Variants in LCN8 observed in about 807,000 individuals in gnomAD.
LCN8 encodes lipocalin 8.
LCN8 carries 16 observed loss-of-function variants against 22.8 expected under a neutral mutation model. That is an observed-to-expected ratio of 0.70 (90% CI 0.47 to 1.06). The LOEUF is 1.06. Ranked by LOEUF, LCN8 falls within the 50% of genes least tolerant of loss-of-function variation. The pLI is 0.00. For missense variants in LCN8, 189 were observed against 203.3 expected, an observed-to-expected ratio of 0.93 and a Z score of 0.43; for synonymous variants, 92 against 83.4, an observed-to-expected ratio of 1.10 and a Z score of -0.56.
intron 2 of LCN8, among the ~76,000 whole-genome samples, 176 bp from the exon 3 acceptor site, chr9:136,756,768 C>T (rs926895392): frequency 6.6e-6 from 1 of 152,212 alleles, no homozygotes; most frequent in African/African-American, 2.4e-5. Flanking sequence ...CCTGGGGATT[C>T]TGTTCCCTCC....
At chr9:136,754,986 A>G (rs2131085562) in intron 6 of LCN8, 149 bp downstream of exon 6, 1 of 1,418,832 alleles carries the variant, frequency 7.0e-7, no homozygotes, top group African/African-American at 1.4e-5. Context: ...GCTGCCCACC[A>G]GTGGTGTTTG....
At position 136,755,508 on chromosome 9, in the gene LCN8, C is replaced by T; in HGVS notation, c.235G>A (p.Glu79Lys). Residue 79 changes from glutamate to lysine, a missense_variant, in exon 4 of 7, where the codon GAG (glutamate) becomes AAG (lysine). Physicochemically the swap from Glu to Lys is moderately conservative, Grantham distance 56. Coordinates refer to ENST00000371688, the MANE Select transcript of LCN8 (RefSeq NM_178469.4). ...TAGTCGGTGTCCAGCACGTGGATCTCTCTGTGGCCTTCAAGAGCCGGCCAT... is the reference window on the plus strand; with the variant it reads ...TAGTCGGTGTCCAGCACGTGGATCTTTCTGTGGCCTTCAAGAGCCGGCCAT... ...TGKFAFPGHR[E>K]IHVLDTDYEG... is the part of the protein sequence containing the mutation. 1 of 1,612,142 alleles carries T rather than the reference C, an allele frequency of 6.2e-7. No individual in the cohort carries two copies. Among genetic ancestry groups the T allele is most frequent in the African/African-American group, 1.3e-5 (1 of 75,036 alleles).
In LCN8 at chr9:136,755,848, A is replaced by G. The variant is rs932119569; in HGVS notation, c.227-332T>C. On this transcript the variant is annotated intron_variant, in intron 3 of 6. Coordinates refer to ENST00000371688, the MANE Select transcript of LCN8 (RefSeq NM_178469.4). ...GAACAGTGCAGGGAATGCATGGGGA[A>G]CGGCACAGAGAAAAGTGCAGGGAAC... 4 of 1,343,266 alleles carry G rather than the reference A, an allele frequency of 3.0e-6. No individual in the cohort carries two copies. In the African/African-American group the frequency reaches 6.0e-5, roughly 20 times the overall value. The allele number at this position is 1,343,266 out of a possible 1,614,324, so 83.2% of individuals were successfully genotyped here.
chr9:136,758,285 C>G, upstream of LCN8: 1 of 1,211,442 alleles, frequency 8.3e-7, no homozygotes, highest in Non-Finnish European at 1.0e-6. Context: ...GGAGCTCCAC[C>G]CACACCACCT....
intron 3 of LCN8, 185 bp from the exon 4 acceptor site, chr9:136,755,701 A>C: frequency 1.7e-6 from 1 of 596,260 alleles, no homozygotes; most frequent in Non-Finnish European, 2.2e-6. Flanking sequence ...GGTCTGGGGC[A>C]TGAAATGTGC....
chr9:136,756,928 C>T, intron 2 of LCN8, 110 bp downstream of exon 2: 1 of 1,292,458 alleles, frequency 7.7e-7, no homozygotes, highest in Non-Finnish European at 1.1e-6. Context: ...GCTGGCCCAC[C>T]AGCGGGACGG....
intron 1 of LCN8, 154 bp from the exon 2 acceptor site, chr9:136,757,322 C>T: frequency 6.9e-7 from 1 of 1,458,144 alleles, no homozygotes; most frequent in Non-Finnish European, 9.0e-7. Flanking sequence ...TCTGTGAGCC[C>T]ACTGTCCCCA....
At chr9:136,754,728 G>A in intron 6 of LCN8, 3 of 1,403,054 alleles carry the variant, frequency 2.1e-6, no homozygotes, top group Non-Finnish European at 1.8e-6. Context: ...TTCTCGCAGT[G>A]CCCAACATGG....
At chr9:136,754,796 G>T in intron 6 of LCN8, 3 of 1,375,536 alleles carry the variant, frequency 2.2e-6, no homozygotes, top group Non-Finnish European at 2.8e-6. Flanking sequence ...ACCTTCGGGG[G>T]CAGAAGCAGC....
rs753507127 is a variant in LCN8, at chr9:136,756,401, G to A, written c.226+121C>T. On this transcript the variant is annotated intron_variant, in intron 3 of 6. Coordinates refer to ENST00000371688, the MANE Select transcript of LCN8 (RefSeq NM_178469.4). ...AGCATGGGGAACAGTGCAGGGAACA[G>A]CACAGAGAACAGTGCAGGGAACAGC... The A allele has an allele frequency of 3.1e-6, 5 of 1,605,072 alleles. No individual in the cohort carries two copies. The South Asian group carries it at 4.4e-5, about 14-fold the overall frequency.
intron 1 of LCN8, chr9:136,757,470 T>A: frequency 7.4e-7 from 1 of 1,354,138 alleles, no homozygotes; most frequent in Non-Finnish European, 9.5e-7. Flanking sequence ...CCACAGGCCC[T>A]GCCTGACCTC....
At position 136,757,434 on chromosome 9, in the gene LCN8, G is replaced by A. The variant is rs1229563698; in HGVS notation, c.25-266C>T. ...ATCTAGAGCTGCGGAACAGTCCCTA[G>A]GGCTTCTGCGACATGTCGGGAGGAA... is the stretch of plus-strand genomic sequence containing the variant. On this transcript the variant is annotated intron_variant, in intron 1 of 6. Coordinates refer to ENST00000371688, the MANE Select transcript of LCN8 (RefSeq NM_178469.4). 4 of 1,379,518 alleles carry A rather than the reference G, an allele frequency of 2.9e-6. No homozygotes were observed. In the African/African-American group the frequency reaches 5.8e-5, roughly 20 times the overall value. The allele number at this position is 1,379,518 out of a possible 1,614,324, so 85.5% of individuals were successfully genotyped here. A position where few individuals can be genotyped will look rare whatever the true frequency, so the allele number is the denominator to read the frequency against.
chr9:136,758,422 C>T (rs1218082551), upstream of LCN8: 1 of 995,770 alleles, frequency 1.0e-6, no homozygotes, highest in Non-Finnish European at 1.2e-6. Context: ...TGCCACCCCA[C>T]GCCTGGCCCT....
Position 136,758,059 on chromosome 9 carries a change from G to T in LCN8, c.-129C>A. 1 of 1,508,144 alleles carries T rather than the reference G, an allele frequency of 6.6e-7. No homozygotes were observed. The highest frequency in any genetic ancestry group is 2.1e-5 in the Admixed American group (1 of 48,154). The allele number at this position is 1,508,144 out of a possible 1,614,324, so 93.4% of individuals were successfully genotyped here. A position where few individuals can be genotyped will look rare whatever the true frequency, so the allele number is the denominator to read the frequency against. On this transcript the variant is annotated 5_prime_UTR_variant, in exon 1 of 7. It adds an upstream start codon to the 5' untranslated region. Coordinates refer to ENST00000371688, the MANE Select transcript of LCN8 (RefSeq NM_178469.4). Reference sequence around the variant, plus strand: ...AGCCTGGGCCGATTCTATACGGACAGTGCAGGCTTGTGCGCCCACCCGGGA... The same window carrying T: ...AGCCTGGGCCGATTCTATACGGACATTGCAGGCTTGTGCGCCCACCCGGGA...
At chr9:136,754,607 C>T (rs1042283431) in intron 6 of LCN8, 98 bp from the exon 7 acceptor site, 19 of 1,493,702 alleles carry the variant, frequency 1.3e-5, no homozygotes, top group Non-Finnish European at 1.5e-5. Flanking sequence ...GTCCTCGCTG[C>T]CTGGTTTTGC....
chr9:136,756,068 G>T lies in LCN8; in HGVS notation c.226+454C>A. ...TGCAGGGAGCAGTGCGGGGAACAGT[G>T]CAGGGAGCATTGCAGGGAACAGCAT... On this transcript the variant is annotated intron_variant, in intron 3 of 6. Coordinates refer to ENST00000371688, the MANE Select transcript of LCN8 (RefSeq NM_178469.4). The T allele has an allele frequency of 3.1e-6, 4 of 1,283,424 alleles. No individual in the cohort carries two copies. The South Asian group carries it at 3.7e-5, about 12-fold the overall frequency. The allele number at this position is 1,283,424 out of a possible 1,614,324, so 79.5% of individuals were successfully genotyped here. A position where few individuals can be genotyped will look rare whatever the true frequency, so the allele number is the denominator to read the frequency against.
chr9:136,757,506 C>T, intron 1 of LCN8: 1 of 1,349,260 alleles, frequency 7.4e-7, no homozygotes, highest in Non-Finnish European at 9.5e-7. Context: ...GAGCAGAGGC[C>T]TGGAAAAGAA....
At chr9:136,756,908 C>T (rs908586672) in intron 2 of LCN8, 130 bp downstream of exon 2, 2 of 1,094,920 alleles carry the variant, frequency 1.8e-6, no homozygotes, top group African/African-American at 3.1e-5. Flanking sequence ...GGCAGACGGG[C>T]ACCGGGAGTG....
In LCN8 at chr9:136,755,295, TCCAGAACCCCAGC is replaced by T; in HGVS notation, c.357_369del (p.Leu120SerfsTer5). On this transcript the variant is annotated frameshift_variant, in exon 5 of 7. Transcript: ENST00000371688. LOFTEE classifies it high-confidence loss of function. ...GTGTCTGCTGTCAGCTCCCGAAACT[TCCAGAACCCCAGC>T]CGGTCCTTGTCCTCAAGGCTCCGAG... 1.2e-6 allele frequency: 2 copies of T among 1,611,168 alleles called. No homozygotes were observed. Among genetic ancestry groups the T allele is most frequent in the Non-Finnish European group, 1.7e-6 (2 of 1,179,984 alleles).
Sources: gnomAD v4.1 joint callset for allele counts (sites outside exome capture counted in the v4.1 genomes callset) on GRCh38, gnomAD v4.1.1 for gene constraint, MANE v1.5 for transcripts, NCBI Gene and HGNC (gene_info 2026-07-23, HGNC 2026-07-21) for gene names.